Variants in PDZD2 observed in about 807,000 individuals in gnomAD.
PDZD2 encodes the protein PDZ domain-containing protein 2.
PDZD2 carries 90 observed loss-of-function variants against 220.7 expected under a neutral mutation model. The observed-to-expected ratio is 0.41, with a 90% CI of 0.34 to 0.49. The LOEUF (loss-of-function observed/expected upper bound fraction) is 0.49, where lower values mean the gene tolerates loss of function less well. Among genes scored for constraint, PDZD2 ranks in the 20% least tolerant of loss-of-function variants. The pLI, the probability that PDZD2 is intolerant of heterozygous loss-of-function variation, is 0.28. For synonymous variants in PDZD2, 1,375 were observed against 1,450.5 expected, an observed-to-expected ratio of 0.95 and a Z score of 1.18; for missense variants, 3,174 against 3,608.5, an observed-to-expected ratio of 0.88 and a Z score of 3.08.
intron 2 of PDZD2, among the ~76,000 whole-genome samples, chr5:31,834,386 A>G (rs1001146990): frequency 6.6e-6 from 1 of 152,192 alleles, no homozygotes; most frequent in African/African-American, 2.4e-5. Flanking sequence ...GGAAATTAAT[A>G]TGGTTGATTT....
intron 1 of PDZD2, among the ~76,000 whole-genome samples, chr5:31,728,693 T>G (rs997369260): frequency 5.9e-5 from 9 of 152,224 alleles, no homozygotes; most frequent in African/African-American, 2.2e-4. Flanking sequence ...TGATATTTCA[T>G]TTATAAAATG....
At chr5:31,995,181 G>C (rs191781582) in intron 3 of PDZD2, among the ~76,000 whole-genome samples, 111 of 152,272 alleles carry the variant, frequency 7.3e-4, no homozygotes, top group African/African-American at 2.6e-3. Context: ...ACAGGACCCT[G>C]TTCAGGAAAT....
At chr5:32,092,077 C>G (rs558370852) in intron 20 of PDZD2, among the ~76,000 whole-genome samples, 7 of 152,272 alleles carry the variant, frequency 4.6e-5, no homozygotes, top group African/African-American at 1.7e-4. Context: ...AGTTCAAGAC[C>G]AGCCTGGCCA....
intron 2 of PDZD2, among the ~76,000 whole-genome samples, chr5:31,841,405 T>A (rs1456243431): frequency 6.6e-6 from 1 of 152,236 alleles, no homozygotes; most frequent in Admixed American, 6.5e-5. Flanking sequence ...CCAGGCATGG[T>A]GGCTCACACT....
At chr5:32,045,091 A>C (rs1581365364) in intron 7 of PDZD2, among the ~76,000 whole-genome samples, 1 of 152,364 alleles carries the variant, frequency 6.6e-6, no homozygotes, top group Non-Finnish European at 1.5e-5. Flanking sequence ...GTTGATGACA[A>C]GTGCCTCCCT....
Position 31,961,368 on chromosome 5 carries a change from CA to C in PDZD2, c.477-21770del, listed in dbSNP as rs60867902. ...GAAACATGGCGAAACTCCGTCTCTA[CA>C]AAAAAAAAAAAAAAAATTAGCCAGG... is the stretch of plus-strand genomic sequence containing the variant. On this transcript the variant is annotated intron_variant, in intron 2 of 24. Transcript: ENST00000438447. Among the ~76,000 whole-genome samples the C allele has an allele frequency of 9.2e-4, 120 of 130,714 alleles. 2 individuals carry two copies. Among genetic ancestry groups the C allele is most frequent in the Non-Finnish European group, 9.3e-4 (57 of 61,514 alleles). 85.8% of individuals were successfully genotyped at this position (130,714 alleles called of 152,430 possible).
At position 31,686,646 on chromosome 5, in the gene PDZD2, C is replaced by T. The variant is rs548910967; in HGVS notation, c.-361+47209C>T. On this transcript the variant is annotated intron_variant, in intron 1 of 24. Coordinates refer to ENST00000438447, the MANE Select transcript of PDZD2 (RefSeq NM_178140.4). ...CCTCCCAAAGTGCTGGGATTACAGG[C>T]GTGAGCCACCGTGCCTGGCCAATAT... 2.1e-3 allele frequency among the ~76,000 whole-genome samples: 325 copies of T among 152,262 alleles called. 1 individual carries two copies. Among genetic ancestry groups the T allele is most frequent in the African/African-American group, 7.2e-3 (298 of 41,562 alleles).
intron 1 of PDZD2, among the ~76,000 whole-genome samples, chr5:31,683,604 C>T (rs551995230): frequency 1.3e-3 from 196 of 152,152 alleles, no homozygotes; most frequent in Non-Finnish European, 2.4e-3. Context: ...TTTCACATAA[C>T]GTGCCTGGGA....
intron 1 of PDZD2, among the ~76,000 whole-genome samples, chr5:31,767,031 T>C (rs1752069593): frequency 7.0e-6 from 1 of 142,608 alleles, no homozygotes; most frequent in African/African-American, 2.7e-5. Flanking sequence ...CCCAGCCTTT[T>C]TTTTTTTTTT....
chr5:31,985,074 A>T (rs192400799), intron 3 of PDZD2, among the ~76,000 whole-genome samples: 3 of 151,220 alleles, frequency 2.0e-5, no homozygotes, highest in Non-Finnish European at 4.4e-5. Flanking sequence ...TCCATCAATG[A>T]TTTGCTACTA....
At chr5:31,925,964 T>C (rs966893640) in intron 2 of PDZD2, among the ~76,000 whole-genome samples, 3 of 152,070 alleles carry the variant, frequency 2.0e-5, no homozygotes, top group Non-Finnish European at 2.9e-5. Flanking sequence ...ATGCCTATAA[T>C]CCTAGCATTT....
At chr5:31,683,223 A>G in intron 1 of PDZD2, among the ~76,000 whole-genome samples, 1 of 130,364 alleles carries the variant, frequency 7.7e-6, no homozygotes, top group African/African-American at 3.2e-5. Flanking sequence ...AAAAAAAAAA[A>G]AAGAAAGAAA....
intron 13 of PDZD2, among the ~76,000 whole-genome samples, chr5:32,060,416 T>C (rs1739556021): frequency 6.6e-6 from 1 of 152,214 alleles, no homozygotes; most frequent in Non-Finnish European, 1.5e-5. Flanking sequence ...CAATTTCTCA[T>C]TTGTTCAAAT....
At chr5:31,953,176 G>A (rs12332371) in intron 2 of PDZD2, among the ~76,000 whole-genome samples, 2,441 of 152,112 alleles carry the variant, frequency 0.016, 59 homozygotes, top group African/African-American at 0.056. Context: ...CTGACACACA[G>A]ATCAGTGGAA....
intron 1 of PDZD2, among the ~76,000 whole-genome samples, chr5:31,721,860 G>A (rs539462987): frequency 6.6e-6 from 1 of 152,162 alleles, no homozygotes; most frequent in African/African-American, 2.4e-5. Flanking sequence ...TTACAGAGCT[G>A]GTATATGGGA....
chr5:32,052,468 AC>A, intron 8 of PDZD2, 142 bp from the exon 9 acceptor site: 1 of 776,496 alleles, frequency 1.3e-6, no homozygotes, highest in South Asian at 1.6e-5. Context: ...TTTATAGGAA[AC>A]TTTTTTAAGT....
At chr5:31,878,555 C>CTTTTTGTTTTTTT (rs1739532784) in intron 2 of PDZD2, among the ~76,000 whole-genome samples, 1 of 48,198 alleles carries the variant, frequency 2.1e-5, no homozygotes, top group Non-Finnish European at 3.7e-5. Flanking sequence ...ATGACCTCGG[C>CTTTTTGTTTTTTT]TTTTTTTTTT....
intron 14 of PDZD2, among the ~76,000 whole-genome samples, chr5:32,062,220 G>T (rs184320963): frequency 1.6e-3 from 250 of 152,298 alleles, no homozygotes; most frequent in African/African-American, 5.7e-3. Flanking sequence ...ATCTGGCTTT[G>T]CAGACCAAAT....
At chr5:31,944,118 AG>A (rs1309602643) in intron 2 of PDZD2, among the ~76,000 whole-genome samples, 27 of 152,330 alleles carry the variant, frequency 1.8e-4, no homozygotes, top group African/African-American at 6.3e-4. Flanking sequence ...TTAAACATTT[AG>A]GGTATTGTTT....
Sources: allele counts gnomAD v4.1 joint callset (sites outside exome capture counted in the v4.1 genomes callset), GRCh38; gene constraint gnomAD v4.1.1; transcripts MANE v1.5; gene names NCBI Gene and HGNC (gene_info 2026-07-23, HGNC 2026-07-21).